The following LUZP2 variants were observed in gnomAD, a reference collection of about 807,000 sequenced individuals.
LUZP2 encodes the protein leucine zipper protein 2.
A neutral mutation model predicts 51.6 loss-of-function variants in LUZP2; 52 were observed. The observed-to-expected ratio is 1.01, with a 90% CI of 0.81 to 1.27. The LOEUF is 1.27. Ranked by LOEUF, LUZP2 falls within the 50% of genes most tolerant of loss-of-function variation. The pLI is 0.00. For synonymous variants in LUZP2, 154 were observed against 137.3 expected (o/e 1.12, Z -0.85); for missense variants, 436 against 395.4 (o/e 1.10, Z -0.87).
chr11:25,005,203 C>T (rs1856800599), intron 9 of LUZP2, among the ~76,000 whole-genome samples: 1 of 151,984 alleles, frequency 6.6e-6, no homozygotes, highest in Admixed American at 6.6e-5. Flanking sequence ...CCCTTCTGGG[C>T]TGGGGAGATT....
In LUZP2 at chr11:24,915,917, A is replaced by T. The variant is rs568660535; in HGVS notation, c.522+1379A>T. 2.5e-4 allele frequency among the ~76,000 whole-genome samples: 38 copies of T among 152,280 alleles called. No homozygotes were observed. The South Asian group carries it at 7.0e-3, about 28-fold the overall frequency. ...AGTTGACAAACTGGTGAACCCTGAG[A>T]TGAGTAGTAGATTCTATTTCACATA... On this transcript the variant is annotated intron_variant, in intron 7 of 11. Coordinates refer to ENST00000336930, the MANE Select transcript of LUZP2 (RefSeq NM_001009909.4).
rs186689707 is a variant in LUZP2 at position 25,004,180 on chromosome 11, C to A, written c.765+20887C>A. Among the ~76,000 whole-genome samples, 7 of 152,302 alleles carry A rather than the reference C, an allele frequency of 4.6e-5. No individual in the cohort carries two copies. The East Asian group carries it at 1.2e-3, about 25-fold the overall frequency. ...ATCATCTGGTTGGGGGCTGCTGACCCAGAGAAACTTTGTCTTCTGGGGCAG... is the reference window on the plus strand; with the variant it reads ...ATCATCTGGTTGGGGGCTGCTGACCAAGAGAAACTTTGTCTTCTGGGGCAG... On this transcript the variant is annotated intron_variant, in intron 9 of 11. Coordinates refer to ENST00000336930, the MANE Select transcript of LUZP2 (RefSeq NM_001009909.4).
At chr11:24,849,732 A>G (rs1389349772) in intron 5 of LUZP2, among the ~76,000 whole-genome samples, 1 of 151,902 alleles carries the variant, frequency 6.6e-6, no homozygotes, top group Admixed American at 6.6e-5. Context: ...ACTAATTTAC[A>G]CTCCCACCAA....
At chr11:24,539,632 C>T (rs935330391) in intron 1 of LUZP2, among the ~76,000 whole-genome samples, 1 of 151,916 alleles carries the variant, frequency 6.6e-6, no homozygotes, top group African/African-American at 2.4e-5. Context: ...ATTATTTAAA[C>T]TATCTATGGA....
At chr11:24,831,817 C>G (rs200562621) in intron 5 of LUZP2, 107 of 152,502 alleles carry the variant, frequency 7.0e-4, no homozygotes, top group Non-Finnish European at 9.6e-4. Flanking sequence ...TTTCTGTTTT[C>G]TTTTTTTTCC....
intron 7 of LUZP2, among the ~76,000 whole-genome samples, chr11:24,917,156 C>A (rs1332763413): frequency 6.6e-6 from 1 of 152,078 alleles, no homozygotes; most frequent in African/African-American, 2.4e-5. Flanking sequence ...CTGTTCATAT[C>A]CTTTGCCCAA....
chr11:24,926,397 A>G lies in LUZP2; in HGVS notation c.522+11859A>G, dbSNP rs867535189. Among the ~76,000 whole-genome samples the G allele has an allele frequency of 1.4e-3, 89 of 65,248 alleles. 4 individuals carry two copies. The highest frequency in any genetic ancestry group is 3.0e-3 in the African/African-American group (63 of 20,874). The allele number at this position is 65,248 out of a possible 152,430, so 42.8% of individuals were successfully genotyped here. A position where few individuals can be genotyped will look rare whatever the true frequency, so the allele number is the denominator to read the frequency against. ...TACGTGTGTATATATATACGTGTGT[A>G]TATATATATACGTGTGTATATATAT... On this transcript the variant is annotated intron_variant, in intron 7 of 11. Transcript: ENST00000336930.
intron 1 of LUZP2, among the ~76,000 whole-genome samples, chr11:24,608,093 C>T (rs1233610190): frequency 1.3e-5 from 2 of 152,128 alleles, no homozygotes; most frequent in East Asian, 3.9e-4. Context: ...TCATGATCCG[C>T]CCACCTCGGC....
intron 5 of LUZP2, among the ~76,000 whole-genome samples, chr11:24,896,121 A>G (rs935480798): frequency 6.6e-6 from 1 of 152,192 alleles, no homozygotes; most frequent in Admixed American, 6.5e-5. Context: ...ATATTGAGAG[A>G]TGACAACGTG....
intron 7 of LUZP2, among the ~76,000 whole-genome samples, chr11:24,940,832 T>A (rs916731286): frequency 2.5e-4 from 38 of 152,220 alleles, no homozygotes; most frequent in African/African-American, 7.5e-4. Flanking sequence ...AACTGCAAAA[T>A]AGAAATCATC....
intron 9 of LUZP2, among the ~76,000 whole-genome samples, chr11:24,987,160 G>C (rs1014931438): frequency 1.3e-5 from 2 of 151,814 alleles, no homozygotes; most frequent in East Asian, 3.9e-4. Flanking sequence ...CAATAAATAC[G>C]TGAAACAAGT....
chr11:24,720,381 G>A (rs1858219180), intron 1 of LUZP2, among the ~76,000 whole-genome samples: 1 of 152,094 alleles, frequency 6.6e-6, no homozygotes, highest in African/African-American at 2.4e-5. Context: ...CAAAATATTA[G>A]GAAACTGAAT....
rs186962661 is a variant in LUZP2 at position 24,713,472 on chromosome 11, G to A, written c.63-15697G>A. Among the ~76,000 whole-genome samples the A allele has an allele frequency of 3.3e-5, 5 of 152,092 alleles. 1 individual carries two copies. The highest frequency in any genetic ancestry group is 1.2e-4 in the African/African-American group (5 of 41,478). ...TGATGTTTATTTGGATTGAAAATGT[G>A]CTTATATAGTAAGTCCTTCATATCT... On this transcript the variant is annotated intron_variant, in intron 1 of 11. Coordinates refer to ENST00000336930, the MANE Select transcript of LUZP2 (RefSeq NM_001009909.4).
rs2134066980 is a variant in LUZP2, at chr11:25,080,216, G to A, written c.*1558G>A. 1 of 152,112 alleles carries A rather than the reference G, an allele frequency of 6.6e-6. No homozygotes were observed. The highest frequency in any genetic ancestry group is 2.4e-5 in the African/African-American group (1 of 41,494). The allele number at this position is 152,112 out of a possible 1,614,324, so 9.4% of individuals were successfully genotyped here. A position where few individuals can be genotyped will look rare whatever the true frequency, so the allele number is the denominator to read the frequency against. On this transcript the variant is annotated 3_prime_UTR_variant, in exon 12 of 12. Coordinates refer to ENST00000336930, the MANE Select transcript of LUZP2 (RefSeq NM_001009909.4). Reference sequence around the variant, plus strand: ...ATTTTGAATTTTGTTATTTTTTGGAGGGCTAGTGATACATGGTCCATGAAA... The same window carrying A: ...ATTTTGAATTTTGTTATTTTTTGGAAGGCTAGTGATACATGGTCCATGAAA...
At chr11:24,723,376 C>A (rs565823729) in intron 1 of LUZP2, among the ~76,000 whole-genome samples, 1 of 152,238 alleles carries the variant, frequency 6.6e-6, no homozygotes, top group African/African-American at 2.4e-5. Context: ...GATATATACC[C>A]AGCATAAACG....
chr11:24,894,060 G>A (rs1469916131), intron 5 of LUZP2, among the ~76,000 whole-genome samples: 1 of 151,834 alleles, frequency 6.6e-6, no homozygotes, highest in Non-Finnish European at 1.5e-5. Flanking sequence ...TTTTATATTT[G>A]TATTCTCAAG....
chr11:24,556,469 A>G (rs960879873), intron 1 of LUZP2, among the ~76,000 whole-genome samples: 2 of 152,280 alleles, frequency 1.3e-5, no homozygotes, highest in Non-Finnish European at 2.9e-5. Context: ...AAATAACATT[A>G]TAGAGATTTA....
intron 7 of LUZP2, among the ~76,000 whole-genome samples, chr11:24,953,281 C>G (rs570563059): frequency 6.6e-6 from 1 of 151,954 alleles, no homozygotes; most frequent in East Asian, 1.9e-4. Context: ...CTTAATCTAG[C>G]CTTCAAATGG....
At chr11:25,048,479 T>C (rs1858389458) in intron 9 of LUZP2, among the ~76,000 whole-genome samples, 1 of 152,208 alleles carries the variant, frequency 6.6e-6, no homozygotes, top group South Asian at 2.1e-4. Flanking sequence ...TTAGGTGAAC[T>C]CTATGAAGAC....
Sources: allele counts gnomAD v4.1 joint callset (sites outside exome capture counted in the v4.1 genomes callset), GRCh38; gene constraint gnomAD v4.1.1; transcripts MANE v1.5; gene names NCBI Gene and HGNC (gene_info 2026-07-23, HGNC 2026-07-21).